ADCY8: variants seen among roughly 807,000 people sequenced by gnomAD.
The protein encoded by ADCY8 is adenylate cyclase 8.
ADCY8 carries 51 observed loss-of-function variants against 119.7 expected under a neutral mutation model. That is an observed-to-expected ratio of 0.43 (90% confidence interval 0.34 to 0.54). The LOEUF is 0.54. Among genes scored for constraint, ADCY8 ranks in the 20% least tolerant of loss-of-function variants. The pLI is 0.03. For missense variants in ADCY8, 1,383 were observed against 1,598.8 expected (o/e 0.87, Z 2.30); for synonymous variants, 665 against 651.0 (o/e 1.02, Z -0.33).
chr8:130,849,324 T>C (rs1817437203), intron 10 of ADCY8, among the ~76,000 whole-genome samples: 1 of 152,230 alleles, frequency 6.6e-6, no homozygotes, highest in African/African-American at 2.4e-5. Context: ...TTATTTATGA[T>C]GTAATTGGCT....
chr8:130,882,544 G>A (rs2130453500), intron 8 of ADCY8, among the ~76,000 whole-genome samples: 1 of 152,248 alleles, frequency 6.6e-6, no homozygotes, highest in Non-Finnish European at 1.5e-5. Flanking sequence ...GGCAGAGGCA[G>A]CATAGTCAAC....
At chr8:130,970,682 T>C (rs1014461662) in intron 2 of ADCY8, among the ~76,000 whole-genome samples, 3 of 152,198 alleles carry the variant, frequency 2.0e-5, no homozygotes, top group Non-Finnish European at 4.4e-5. Flanking sequence ...GATGATATTG[T>C]GTTGGTTCCA....
chr8:130,895,586 T>A (rs985145125), intron 7 of ADCY8, among the ~76,000 whole-genome samples: 1 of 152,064 alleles, frequency 6.6e-6, no homozygotes, highest in Non-Finnish European at 1.5e-5. Flanking sequence ...CACTAATGAT[T>A]CTCCCTGGCT....
intron 2 of ADCY8, among the ~76,000 whole-genome samples, chr8:130,989,923 CT>C (rs1368088718): frequency 3.9e-5 from 6 of 152,100 alleles, no homozygotes; most frequent in African/African-American, 1.4e-4. Flanking sequence ...GTCGACAGGA[CT>C]TTTTTGTGTA....
At chr8:131,010,461 C>T (rs753247736) in intron 1 of ADCY8, among the ~76,000 whole-genome samples, 7 of 151,996 alleles carry the variant, frequency 4.6e-5, no homozygotes, top group Non-Finnish European at 8.8e-5. Flanking sequence ...GTGGAATGTT[C>T]ACATCTGTGT....
chr8:130,897,847 A>G (rs1184052693), intron 7 of ADCY8, among the ~76,000 whole-genome samples: 1 of 150,444 alleles, frequency 6.6e-6, no homozygotes, highest in African/African-American at 2.4e-5. Context: ...GCAAACATAC[A>G]TAATACACAT....
At chr8:130,991,677 C>T (rs11781972) in intron 1 of ADCY8, among the ~76,000 whole-genome samples, 4,815 of 152,164 alleles carry the variant, frequency 0.032, 100 homozygotes, top group East Asian at 0.058. Flanking sequence ...GAACATAGCA[C>T]AGAATTATGT....
At chr8:130,892,200 C>T (rs532578555) in intron 7 of ADCY8, 1 of 152,242 alleles carries the variant, frequency 6.6e-6, no homozygotes, top group South Asian at 2.1e-4. Context: ...TATAAGCCTA[C>T]TGTAGGATTT....
At chr8:130,906,246 C>T (rs887374952) in intron 6 of ADCY8, among the ~76,000 whole-genome samples, 2 of 152,176 alleles carry the variant, frequency 1.3e-5, no homozygotes, top group Non-Finnish European at 2.9e-5. Flanking sequence ...AAATGGAAGT[C>T]CCCATCCGCT....
chr8:130,937,277 C>A (rs560439614), intron 4 of ADCY8, 77 bp from the exon 5 acceptor site: 82 of 1,492,972 alleles, frequency 5.5e-5, no homozygotes, highest in Non-Finnish European at 7.2e-5. Context: ...GAGAAAGAGG[C>A]GAGCAGGGTT....
chr8:131,009,510 G>C (rs1036223560), intron 1 of ADCY8, among the ~76,000 whole-genome samples: 1 of 152,186 alleles, frequency 6.6e-6, no homozygotes, highest in Non-Finnish European at 1.5e-5. Flanking sequence ...CTGCCACCCT[G>C]TGAAGAGGTG....
rs573513239 is a variant in ADCY8 at position 130,966,218 on chromosome 8, C to A, written c.1111-14220G>T. ...TTCTCCTGAAGGCTAGCTTCCTCAT[C>A]CCCTCTCACTTCTCAGCCACTAAGA... On this transcript the variant is annotated intron_variant, in intron 2 of 17. Coordinates refer to ENST00000286355, the MANE Select transcript of ADCY8 (RefSeq NM_001115.3). Among the ~76,000 whole-genome samples, 10 of 152,282 alleles carry A rather than the reference C, an allele frequency of 6.6e-5. No homozygotes were observed. The South Asian group carries it at 1.7e-3, about 25-fold the overall frequency.
At chr8:130,807,343 C>A (rs1815997077) in intron 14 of ADCY8, among the ~76,000 whole-genome samples, 1 of 152,224 alleles carries the variant, frequency 6.6e-6, no homozygotes, top group South Asian at 2.1e-4. Context: ...TCAAATGTCA[C>A]CTCCTTAGAG....
intron 1 of ADCY8, among the ~76,000 whole-genome samples, chr8:131,017,448 A>G (rs1220507455): frequency 6.6e-6 from 1 of 151,984 alleles, no homozygotes; most frequent in Non-Finnish European, 1.5e-5. Context: ...TGGACTCTTT[A>G]CTCCTATCCT....
chr8:130,861,972 C>T (rs78444628), intron 9 of ADCY8, among the ~76,000 whole-genome samples: 2 of 152,128 alleles, frequency 1.3e-5, no homozygotes, highest in Non-Finnish European at 2.9e-5. Context: ...ATATAGTTAA[C>T]CACTATTGTT....
At chr8:130,883,321 C>T (rs1057411319) in intron 8 of ADCY8, among the ~76,000 whole-genome samples, 5 of 152,104 alleles carry the variant, frequency 3.3e-5, no homozygotes, top group African/African-American at 9.7e-5. Flanking sequence ...TAATTTGGAC[C>T]TTAAGCCCTT....
chr8:130,845,946 G>T (rs547396042), intron 11 of ADCY8, among the ~76,000 whole-genome samples: 1 of 152,136 alleles, frequency 6.6e-6, no homozygotes, highest in African/African-American at 2.4e-5. Flanking sequence ...TGCTTTCTGA[G>T]CTCTAGTTTT....
intron 7 of ADCY8, among the ~76,000 whole-genome samples, chr8:130,896,651 A>G (rs1203300187): frequency 3.3e-5 from 5 of 152,220 alleles, no homozygotes; most frequent in Admixed American, 3.3e-4. Context: ...AGTTATGCTT[A>G]GAGAAAAGGG....
At chr8:130,937,305 G>A in intron 4 of ADCY8, 105 bp from the exon 5 acceptor site, 1 of 1,209,260 alleles carries the variant, frequency 8.3e-7, no homozygotes, top group East Asian at 2.8e-5. Context: ...CTGCAACTTG[G>A]GGTAAGGAGA....
Sources: allele counts gnomAD v4.1 joint callset (sites outside exome capture counted in the v4.1 genomes callset), GRCh38; gene constraint gnomAD v4.1.1; transcripts MANE v1.5; gene names NCBI Gene and HGNC (gene_info 2026-07-23, HGNC 2026-07-21).